RGS6: variants seen among roughly 807,000 people sequenced by gnomAD.
The protein encoded by RGS6 is regulator of G-protein signaling 6.
In RGS6, 30 loss-of-function variants were observed where a neutral mutation model predicts 78.5. That is an observed-to-expected ratio of 0.38 (90% CI 0.29 to 0.52). The LOEUF is 0.52. RGS6 is among the 20% of genes least tolerant of loss of function. RGS6 has a pLI of 0.85. For synonymous variants in RGS6, 206 were observed against 206.0 expected, an observed-to-expected ratio of 1.00 and a Z score of 0.00; for missense variants, 495 against 609.7, an observed-to-expected ratio of 0.81 and a Z score of 1.98.
intron 2 of RGS6, among the ~76,000 whole-genome samples, chr14:72,242,351 A>C (rs2053086031): frequency 6.6e-6 from 1 of 152,176 alleles, no homozygotes; most frequent in Non-Finnish European, 1.5e-5. Flanking sequence ...AGTTAATGGC[A>C]GCTGTATTTT....
At chr14:72,021,132 C>G (rs936756337) in intron 2 of RGS6, among the ~76,000 whole-genome samples, 1 of 152,166 alleles carries the variant, frequency 6.6e-6, no homozygotes, top group African/African-American at 2.4e-5. Context: ...TAGGTCTGAA[C>G]CCTGATCCTT....
chr14:72,447,825 T>C (rs1396140830), intron 3 of RGS6, among the ~76,000 whole-genome samples: 1 of 152,158 alleles, frequency 6.6e-6, no homozygotes, highest in Admixed American at 6.5e-5. Context: ...TGCCTCAGCC[T>C]CCCAAGTAGC....
intron 3 of RGS6, among the ~76,000 whole-genome samples, chr14:72,358,110 T>A (rs2080723339): frequency 6.6e-6 from 1 of 152,122 alleles, no homozygotes; most frequent in Non-Finnish European, 1.5e-5. Context: ...CTTCTGGGTG[T>A]GCAGAAGACA....
At chr14:72,280,123 A>G (rs2061339729) in intron 2 of RGS6, among the ~76,000 whole-genome samples, 1 of 152,148 alleles carries the variant, frequency 6.6e-6, no homozygotes, top group Non-Finnish European at 1.5e-5. Flanking sequence ...CCCCCACCCC[A>G]GGCCAAACTC....
At chr14:72,455,360 A>G (rs550451568) in intron 4 of RGS6, among the ~76,000 whole-genome samples, 1 of 152,306 alleles carries the variant, frequency 6.6e-6, no homozygotes, top group South Asian at 2.1e-4. Flanking sequence ...TACCTGCCCC[A>G]AATTAAATGG....
In RGS6 at chr14:71,941,767, A is replaced by G. The variant is rs151060864; in HGVS notation, c.-21+8826A>G. ...AGGGTGGATCTGCCTTCCCCAGCCC[A>G]ATGACTCACATATTTAATCTCTTTT... On this transcript the variant is annotated intron_variant, in intron 1 of 17. Coordinates refer to ENST00000553525, the MANE Select transcript of RGS6 (RefSeq NM_001204424.2). 4.5e-3 allele frequency among the ~76,000 whole-genome samples: 685 copies of G among 152,350 alleles called. 8 individuals carry two copies. The highest frequency in any genetic ancestry group is 0.016 in the African/African-American group (652 of 41,584).
chr14:72,206,458 A>G (rs1439327551), intron 2 of RGS6, among the ~76,000 whole-genome samples: 1 of 152,172 alleles, frequency 6.6e-6, no homozygotes, highest in African/African-American at 2.4e-5. Context: ...TTCTGTGTGT[A>G]TGCACAATAT....
rs370828259 is a variant in RGS6, at chr14:72,154,386, TTAAAG to T, written c.84+189517_84+189521del. 5.2e-3 allele frequency among the ~76,000 whole-genome samples: 792 copies of T among 152,332 alleles called. 5 individuals are homozygous for T. The highest frequency in any genetic ancestry group is 0.018 in the African/African-American group (746 of 41,568). ...TTATGAAGATAACGGTATTAAGAGA[TTAAAG>T]TAAAGACAGGTATGAATTATAAAAG... On this transcript the variant is annotated intron_variant, in intron 2 of 17. Transcript: ENST00000553525.
At chr14:72,051,735 A>C (rs543509396) in intron 2 of RGS6, among the ~76,000 whole-genome samples, 2 of 152,318 alleles carry the variant, frequency 1.3e-5, no homozygotes, top group African/African-American at 4.8e-5. Context: ...CTTTGAGATA[A>C]ATGTATTATC....
intron 17 of RGS6, chr14:72,540,925 G>A (rs911006844): frequency 1.1e-5 from 11 of 985,312 alleles, no homozygotes; most frequent in Non-Finnish European, 1.3e-5. Flanking sequence ...GTCCGTGGCT[G>A]TTCCCTGGGG....
intron 1 of RGS6, among the ~76,000 whole-genome samples, chr14:71,939,072 T>A (rs1352123189): frequency 6.6e-6 from 1 of 152,206 alleles, no homozygotes; most frequent in Non-Finnish European, 1.5e-5. Context: ...CTTCTCCTGT[T>A]CTGGACCCCA....
chr14:72,238,927 G>A (rs2051953912), intron 2 of RGS6, among the ~76,000 whole-genome samples: 1 of 152,324 alleles, frequency 6.6e-6, no homozygotes, highest in African/African-American at 2.4e-5. Context: ...CCAGTGGAAG[G>A]TGTCCGAGTT....
At chr14:72,218,503 A>C (rs1235452252) in intron 2 of RGS6, among the ~76,000 whole-genome samples, 1 of 152,086 alleles carries the variant, frequency 6.6e-6, no homozygotes, top group Non-Finnish European at 1.5e-5. Flanking sequence ...TTAGTTATTA[A>C]CTCTGGAGGA....
rs778324991 is a variant in RGS6, at chr14:72,478,210, C to T, written c.793-58C>T. 3.7e-5 allele frequency: 49 copies of T among 1,311,944 alleles called. No homozygotes were observed. The Admixed American group carries it at 4.3e-4, about 12-fold the overall frequency. 81.3% of individuals were successfully genotyped at this position (1,311,944 alleles called of 1,614,324 possible). The stretch of plus-strand genomic sequence containing the variant: ...AAATGCAGGATTTGGGTTTGTGGAG[C>T]GAGGGGAAAAAAATAATTTTAGTTT... On this transcript the variant is annotated intron_variant, in intron 11 of 17. Coordinates refer to ENST00000553525, the MANE Select transcript of RGS6 (RefSeq NM_001204424.2).
intron 3 of RGS6, among the ~76,000 whole-genome samples, chr14:72,374,556 C>A (rs1269978637): frequency 6.6e-6 from 1 of 152,164 alleles, no homozygotes; most frequent in African/African-American, 2.4e-5. Context: ...AGTACTGCCC[C>A]CAGCTACCAG....
intron 3 of RGS6, among the ~76,000 whole-genome samples, chr14:72,369,957 G>A (rs959119524): frequency 6.6e-6 from 1 of 152,008 alleles, no homozygotes; most frequent in Non-Finnish European, 1.5e-5. Flanking sequence ...CCATTGCTTT[G>A]ATTTTTTCAG....
chr14:72,567,610 G>A (rs1346765539), downstream of RGS6, among the ~76,000 whole-genome samples: 1 of 152,200 alleles, frequency 6.6e-6, no homozygotes, highest in Non-Finnish European at 1.5e-5. Flanking sequence ...GGGACCTGTG[G>A]CATAACAGGC....
At chr14:72,453,273 G>A (rs1260244304) in intron 3 of RGS6, among the ~76,000 whole-genome samples, 3 of 152,198 alleles carry the variant, frequency 2.0e-5, no homozygotes, top group African/African-American at 7.2e-5. Context: ...TGTCCAGGGT[G>A]TTGTGAATGG....
At chr14:72,163,919 A>G (rs1007408498) in intron 2 of RGS6, among the ~76,000 whole-genome samples, 2 of 151,360 alleles carry the variant, frequency 1.3e-5, no homozygotes, top group African/African-American at 4.9e-5. Context: ...GGAAGCTTTG[A>G]AATCCCTGCT....
Sources: allele counts gnomAD v4.1 joint callset (sites outside exome capture counted in the v4.1 genomes callset), GRCh38; gene constraint gnomAD v4.1.1; transcripts MANE v1.5; gene names NCBI Gene and HGNC (gene_info 2026-07-23, HGNC 2026-07-21).